TSPAN32: variants seen among roughly 807,000 people sequenced by gnomAD.
The protein encoded by TSPAN32 is tetraspanin 32, also known as tetraspanin-32.
TSPAN32 carries 47 observed loss-of-function variants against 42.7 expected under a neutral mutation model. The observed-to-expected ratio is 1.10, with a 90% CI of 0.87 to 1.40. The LOEUF is 1.40. Among genes scored for constraint, TSPAN32 ranks in the 40% most tolerant of loss-of-function variants. TSPAN32 has a pLI of 0.00. For synonymous variants in TSPAN32, 175 were observed against 175.9 expected, an observed-to-expected ratio of 0.99 and a Z score of 0.04; for missense variants, 469 against 424.1, an observed-to-expected ratio of 1.11 and a Z score of -0.93.
chr11:2,305,379 C>CCCCG (rs1214139686), intron 3 of TSPAN32, among the ~76,000 whole-genome samples: 1 of 139,356 alleles, frequency 7.2e-6, no homozygotes, highest in Non-Finnish European at 1.6e-5. Context: ...TGCCCCCCCC[C>CCCCG]CCAGAGGGTG....
chr11:2,302,090 C>T lies in TSPAN32; in HGVS notation c.-60C>T, dbSNP rs372594309. The T allele has an allele frequency of 2.0e-6, 3 of 1,486,074 alleles. No homozygotes were observed. The highest frequency in any genetic ancestry group is 2.4e-5 in the East Asian group (1 of 42,188). 92.1% of individuals were successfully genotyped at this position (1,486,074 alleles called of 1,614,324 possible). A position where few individuals can be genotyped will look rare whatever the true frequency, so the allele number is the denominator to read the frequency against. ...AGTGAGCTGCGGTCTGAGGCCCCTG[C>T]CCAGCTGGAAACCACAGGGAGGGGA... On this transcript the variant is annotated 5_prime_UTR_variant, in exon 1 of 10. Transcript: ENST00000182290.
At chr11:2,303,040 C>T in intron 2 of TSPAN32, 82 bp downstream of exon 2, 2 of 1,296,670 alleles carry the variant, frequency 1.5e-6, no homozygotes, top group South Asian at 1.3e-5. Context: ...GGACGCCTCA[C>T]AGCCAGAATG....
At chr11:2,305,475 G>A (rs951534353) in intron 3 of TSPAN32, among the ~76,000 whole-genome samples, 1 of 152,070 alleles carries the variant, frequency 6.6e-6, no homozygotes, top group Non-Finnish European at 1.5e-5. Flanking sequence ...TGGAGGCCCA[G>A]AAAGAACCAG....
chr11:2,317,391 A>G lies in TSPAN32; in HGVS notation c.767A>G (p.Gln256Arg). 1 of 1,599,590 alleles carries G rather than the reference A, an allele frequency of 6.3e-7. No individual in the cohort carries two copies. Among genetic ancestry groups the G allele is most frequent in the Non-Finnish European group, 8.5e-7 (1 of 1,173,082 alleles). Residue 256 changes from glutamine to arginine, a missense_variant, in exon 9 of 10, where the codon CAG (glutamine) becomes CGG (arginine). Transcript: ENST00000182290. This position sits in a 1 kb window ranked among gnomAD's most constrained non-coding sequence, Gnocchi z 6.2. ...GAGCCCAGCCTCTTGAGATGCTCCC[A>G]GGGTGGACCCACACATTGTCTCCAC... The part of the protein sequence containing the change: ...PQEPSLLRCS[Q>R]GGPTHCLHSE...
intron 6 of TSPAN32, chr11:2,315,160 T>TGCCCCC: frequency 3.7e-5 from 24 of 646,454 alleles, no homozygotes; most frequent in Non-Finnish European, 5.0e-5. Context: ...CCGGCAGCCC[T>TGCCCCC]CCCCCAGCCC....
At position 2,308,772 on chromosome 11, in the gene TSPAN32, G is replaced by A; in HGVS notation, c.316G>A (p.Val106Met). The A allele has an allele frequency of 6.4e-7, 1 of 1,573,634 alleles. No homozygotes were observed. Among genetic ancestry groups the A allele is most frequent in the Non-Finnish European group, 8.6e-7 (1 of 1,159,622 alleles). Residue 106 changes from valine to methionine, a missense_variant, in exon 4 of 10, where the codon GTG (valine) becomes ATG (methionine). Val to Met is a conservative substitution (Grantham distance 21). Coordinates refer to ENST00000182290, the MANE Select transcript of TSPAN32 (RefSeq NM_139022.3). ...CTTCTCCCTGGCGTTCTGCGCACAG[G>A]TGCAGGTGGTGTTCTGGAGACTCCA... ...LCFSLAFCAQVQVVFWRLHSP... is the reference protein window; with the variant it reads ...LCFSLAFCAQMQVVFWRLHSP...
chr11:2,309,386 AG>A, intron 4 of TSPAN32: 1 of 468,556 alleles, frequency 2.1e-6, no homozygotes. Flanking sequence ...GACCGTGGGC[AG>A]GGGCCAAGGG....
chr11:2,316,216 T>C lies in TSPAN32; in HGVS notation c.544-13T>C. 1 of 1,557,348 alleles carries C rather than the reference T, an allele frequency of 6.4e-7. No homozygotes were observed. ...CGCTCAGGGCGGGTACCATGCCTGC[T>C]GCCCTCTCACAGGACTGCCTTCAGG... On this transcript the variant is annotated splice_polypyrimidine_tract_variant and intron_variant, in intron 6 of 9. Coordinates refer to ENST00000182290, the MANE Select transcript of TSPAN32 (RefSeq NM_139022.3).
Position 2,313,039 on chromosome 11 carries a change from G to A in TSPAN32, c.355-615G>A, listed in dbSNP as rs564138060. ...TCCAGGTGTTGGTGAGGTGTGGAGC[G>A]CAGGCAGCACATCCAGCCAGGCCCC... On this transcript the variant is annotated intron_variant, in intron 4 of 9. Coordinates refer to ENST00000182290, the MANE Select transcript of TSPAN32 (RefSeq NM_139022.3). The surrounding 1 kb of genome is among the most constrained non-coding windows in gnomAD (Gnocchi z 9.1). Among the ~76,000 whole-genome samples the A allele has an allele frequency of 2.6e-5, 4 of 152,064 alleles. No homozygotes were observed. Among genetic ancestry groups the A allele is most frequent in the African/African-American group, 4.8e-5 (2 of 41,394 alleles).
chr11:2,316,227 A>T lies in TSPAN32; in HGVS notation c.544-2A>T, dbSNP rs747596624. ...GGTACCATGCCTGCTGCCCTCTCAC[A>T]GGACTGCCTTCAGGGCATCCGGAGC... On this transcript the variant is annotated splice_acceptor_variant, in intron 6 of 9. Transcript: ENST00000182290. LOFTEE classifies it high-confidence loss of function. The T allele has an allele frequency of 3.2e-6, 5 of 1,575,014 alleles. No homozygotes were observed. Among genetic ancestry groups the T allele is most frequent in the Non-Finnish European group, 4.3e-6 (5 of 1,162,142 alleles).
rs1044665765 is a variant in TSPAN32, at chr11:2,317,027, C to T, written c.720-317C>T. Among the ~76,000 whole-genome samples, 1 of 151,964 alleles carries T rather than the reference C, an allele frequency of 6.6e-6. No individual in the cohort carries two copies. The highest frequency in any genetic ancestry group is 1.9e-4 in the East Asian group (1 of 5,172). ...TAGGGGGCAGGGAGGGTCCAACCCA[C>T]AGCCAGGCAGCTCTTCCTGCCCCCA... On this transcript the variant is annotated intron_variant, in intron 8 of 9. Transcript: ENST00000182290. The surrounding 1 kb of genome is among the most constrained non-coding windows in gnomAD (Gnocchi z 6.2).
At chr11:2,316,059 C>T (rs1014978806) in intron 6 of TSPAN32, 170 bp from the exon 7 acceptor site, 159 of 1,534,036 alleles carry the variant, frequency 1.0e-4, no homozygotes, top group Non-Finnish European at 1.4e-4. Flanking sequence ...CCTGCTCGTG[C>T]TGCCTTTCCC....
In TSPAN32 at chr11:2,314,818, C is replaced by A. The variant is rs964542090; in HGVS notation, c.543+247C>A. On this transcript the variant is annotated intron_variant, in intron 6 of 9. Coordinates refer to ENST00000182290, the MANE Select transcript of TSPAN32 (RefSeq NM_139022.3). ...CATAAACACAGGCCCCTTTGCCCAG[C>A]TGGACGCAGGCCCCATGCGCCATTC... is the stretch of plus-strand genomic sequence containing the variant. The A allele has an allele frequency of 2.2e-5, 12 of 542,292 alleles. No homozygotes were observed. In the African/African-American group the frequency reaches 2.3e-4, roughly 10 times the overall value. The allele number at this position is 542,292 out of a possible 1,614,324, so 33.6% of individuals were successfully genotyped here. A position where few individuals can be genotyped will look rare whatever the true frequency, so the allele number is the denominator to read the frequency against.
At chr11:2,314,372 G>A in intron 5 of TSPAN32, 113 bp from the exon 6 acceptor site, 1 of 832,678 alleles carries the variant, frequency 1.2e-6, no homozygotes, top group Non-Finnish European at 2.0e-6. Flanking sequence ...CCCAGCCCTG[G>A]CCTGCAGGGA....
rs569973559 is a variant in TSPAN32 at position 2,316,486 on chromosome 11, G to T, written c.628-90G>T. On this transcript the variant is annotated intron_variant, in intron 7 of 9. Coordinates refer to ENST00000182290, the MANE Select transcript of TSPAN32 (RefSeq NM_139022.3). ...AGGGCCTGCCTCCTACAGCTGGGCC[G>T]CCCCCTTACACTGCAGAGTCCTGAT... 5 of 1,598,504 alleles carry T rather than the reference G, an allele frequency of 3.1e-6. No homozygotes were observed. The African/African-American group carries it at 5.4e-5, about 17-fold the overall frequency.
At chr11:2,315,952 C>A in intron 6 of TSPAN32, 1 of 1,528,030 alleles carries the variant, frequency 6.5e-7, no homozygotes. Flanking sequence ...ACGTGTGGCC[C>A]AACATGGACG....
chr11:2,304,205 G>C lies in TSPAN32; in HGVS notation c.279+1G>C. 3 of 1,563,230 alleles carry C rather than the reference G, an allele frequency of 1.9e-6. No homozygotes were observed. The highest frequency in any genetic ancestry group is 2.6e-6 in the Non-Finnish European group (3 of 1,155,444). Reference sequence around the variant, plus strand: ...GGAGGCCCAGGGCCTCATGGCAGGGGTGAGTTCATTGTGTTCCCAGATGCC... The same window carrying C: ...GGAGGCCCAGGGCCTCATGGCAGGGCTGAGTTCATTGTGTTCCCAGATGCC... On this transcript the variant is annotated splice_donor_variant, in intron 3 of 9. Coordinates refer to ENST00000182290, the MANE Select transcript of TSPAN32 (RefSeq NM_139022.3). LOFTEE classifies it high-confidence loss of function. This position sits in a 1 kb window ranked among gnomAD's most constrained non-coding sequence, Gnocchi z 4.8.
intron 1 of TSPAN32, chr11:2,302,576 A>G (rs965266008): frequency 1.8e-6 from 1 of 551,346 alleles, no homozygotes; most frequent in African/African-American, 1.9e-5. Context: ...CACTCCGTAG[A>G]CACAATGATC....
chr11:2,307,074 C>T, intron 3 of TSPAN32: 1 of 154,228 alleles, frequency 6.5e-6, no homozygotes, highest in Non-Finnish European at 1.4e-5. Flanking sequence ...GAGGAGGAGG[C>T]AGCTCCCAGG....
Sources: allele counts gnomAD v4.1 joint callset (sites outside exome capture counted in the v4.1 genomes callset), GRCh38; gene constraint gnomAD v4.1.1; non-coding constraint Gnocchi (gnomAD v3.1); transcripts MANE v1.5; gene names NCBI Gene and HGNC (gene_info 2026-07-23, HGNC 2026-07-21).